TTC28: variants seen among roughly 807,000 people sequenced by gnomAD.
TTC28 encodes the protein tetratricopeptide repeat protein 28.
A neutral mutation model predicts 198.0 loss-of-function variants in TTC28; 61 were observed. The observed-to-expected ratio is 0.31, with a 90% CI of 0.25 to 0.38. The LOEUF (loss-of-function observed/expected upper bound fraction) is 0.38, where lower values mean the gene tolerates loss of function less well. Among genes scored for constraint, TTC28 ranks in the 10% least tolerant of loss-of-function variants. The pLI is 1.00. For synonymous variants in TTC28, 1,171 were observed against 1,297.8 expected (o/e 0.90, Z 2.10); for missense variants, 2,678 against 3,164.0 (o/e 0.85, Z 3.69).
At chr22:28,298,643 G>A (rs549246364) in intron 3 of TTC28, among the ~76,000 whole-genome samples, 1 of 152,068 alleles carries the variant, frequency 6.6e-6, no homozygotes, top group Non-Finnish European at 1.5e-5. Context: ...TAGAGATGAG[G>A]TCTCATTAGG....
At chr22:28,341,098 A>G (rs755839321) in intron 2 of TTC28, among the ~76,000 whole-genome samples, 7 of 152,222 alleles carry the variant, frequency 4.6e-5, no homozygotes, top group Non-Finnish European at 1.0e-4. Context: ...TAAGGATCCT[A>G]AGATGCATCT....
chr22:28,103,359 G>C (rs1228385366), intron 8 of TTC28, among the ~76,000 whole-genome samples: 1 of 152,192 alleles, frequency 6.6e-6, no homozygotes, highest in Admixed American at 6.5e-5. Flanking sequence ...ACAGCACCTG[G>C]AGAGCTTGTT....
At chr22:28,165,525 A>C (rs1350080873) in intron 5 of TTC28, among the ~76,000 whole-genome samples, 1 of 152,078 alleles carries the variant, frequency 6.6e-6, no homozygotes. Context: ...GCCAATATTC[A>C]ACATTCTTAA....
Position 27,979,087 on chromosome 22 carries a change from A to G in TTC28, c.*3134T>C, listed in dbSNP as rs1369743049. 1 of 152,264 alleles carries G rather than the reference A, an allele frequency of 6.6e-6. No homozygotes were observed. The highest frequency in any genetic ancestry group is 6.5e-5 in the Admixed American group (1 of 15,280). The allele number at this position is 152,264 out of a possible 1,614,324, so 9.4% of individuals were successfully genotyped here. ...ACATACCCTGGGCTCCCCGGACGCC[A>G]GTCAGTCTATCCACTACCTGACTTG... On this transcript the variant is annotated 3_prime_UTR_variant, in exon 23 of 23. Transcript: ENST00000397906.
intron 2 of TTC28, among the ~76,000 whole-genome samples, chr22:28,370,337 T>G (rs761668400): frequency 2.0e-5 from 3 of 152,194 alleles, no homozygotes; most frequent in Non-Finnish European, 4.4e-5. Flanking sequence ...GGTGAGCTAG[T>G]CCCAGATATC....
rs537044022 is a variant in TTC28, at chr22:28,163,469, C to A, written c.1064G>T (p.Arg355Leu). 3 of 1,551,594 alleles carry A rather than the reference C, an allele frequency of 1.9e-6. No homozygotes were observed. Among genetic ancestry groups the A allele is most frequent in the South Asian group, 2.4e-5 (2 of 84,054 alleles). The change falls in exon 6 of 23, where the codon CGA becomes CTA. Residue 355 changes from arginine to leucine, a missense_variant. This residue lies in a region of TTC28 where 775 missense variants were observed against 845.9 expected (regional missense o/e 0.92). Coordinates refer to ENST00000397906, the MANE Select transcript of TTC28 (RefSeq NM_001145418.2). ...CACAGCTCCCATGTTGCCAAGTTCTCGGGCTTCAGAAAGTTCATCTTTGGA... is the reference window on the plus strand; with the variant it reads ...CACAGCTCCCATGTTGCCAAGTTCTAGGGCTTCAGAAAGTTCATCTTTGGA... Reference protein sequence around the residue: ...KQSKDELSEARELGNMGAVYI... With the variant: ...KQSKDELSEALELGNMGAVYI...
chr22:28,101,335 C>G, intron 8 of TTC28, 55 bp from the exon 9 acceptor site: 1 of 1,369,124 alleles, frequency 7.3e-7, no homozygotes, highest in Non-Finnish European at 1.0e-6. Flanking sequence ...ATTCCACTAT[C>G]CTAAGGAGTC....
chr22:28,039,184 G>T (rs1484057569), intron 12 of TTC28, among the ~76,000 whole-genome samples: 1 of 152,132 alleles, frequency 6.6e-6, no homozygotes, highest in Non-Finnish European at 1.5e-5. Flanking sequence ...ATACCCAAAG[G>T]ATTATAAAAC....
At chr22:28,191,652 T>A (rs1032813124) in intron 5 of TTC28, among the ~76,000 whole-genome samples, 1 of 152,244 alleles carries the variant, frequency 6.6e-6, no homozygotes, top group Admixed American at 6.5e-5. Context: ...ATTCCACACC[T>A]GGCTCAGAGG....
chr22:28,591,064 T>C (rs1474308705), intron 2 of TTC28, among the ~76,000 whole-genome samples: 2 of 124,604 alleles, frequency 1.6e-5, no homozygotes, highest in African/African-American at 7.0e-5. Context: ...TATATATATA[T>C]ATATATATAT....
intron 2 of TTC28, among the ~76,000 whole-genome samples, chr22:28,471,178 C>T (rs2048092423): frequency 6.6e-6 from 1 of 152,178 alleles, no homozygotes; most frequent in Non-Finnish European, 1.5e-5. Flanking sequence ...CTTTAGTTTT[C>T]ATAACAGTAT....
At chr22:28,430,745 C>A (rs547465421) in intron 2 of TTC28, among the ~76,000 whole-genome samples, 243 of 152,164 alleles carry the variant, frequency 1.6e-3, no homozygotes, top group African/African-American at 5.4e-3. Context: ...GGGAGAAAAA[C>A]CAGTTACTCA....
At chr22:28,364,288 T>C (rs1215909830) in intron 2 of TTC28, among the ~76,000 whole-genome samples, 1 of 152,182 alleles carries the variant, frequency 6.6e-6, no homozygotes, top group East Asian at 1.9e-4. Context: ...CCTGCTGCCA[T>C]CCATGTAAGA....
intron 12 of TTC28, among the ~76,000 whole-genome samples, chr22:28,078,042 G>C (rs550791323): frequency 6.6e-6 from 1 of 152,348 alleles, no homozygotes; most frequent in African/African-American, 2.4e-5. Context: ...CTTATGGGAG[G>C]CTCATGTTCT....
In TTC28 at chr22:27,993,429, G is replaced by A; in HGVS notation, c.5334C>T (p.Ile1778=). The A allele has an allele frequency of 3.2e-6, 5 of 1,551,552 alleles. No homozygotes were observed. The South Asian group carries it at 5.9e-5, about 18-fold the overall frequency. The part of the protein sequence containing the change: ...QQSVENKVGG[I]PGWQALLTAV... Reference sequence around the variant, plus strand: ...CGGTGAGGAGGGCCTGCCAGCCAGGGATGCCGCCCACTTTGTTCTCCACAC... The same window carrying A: ...CGGTGAGGAGGGCCTGCCAGCCAGGAATGCCGCCCACTTTGTTCTCCACAC... Residue 1778 remains isoleucine, a synonymous_variant, in exon 18 of 23, where the codon ATC becomes ATT. Coordinates refer to ENST00000397906, the MANE Select transcript of TTC28 (RefSeq NM_001145418.2).
chr22:28,277,450 T>A (rs1451423388), intron 5 of TTC28, among the ~76,000 whole-genome samples: 1 of 152,214 alleles, frequency 6.6e-6, no homozygotes, highest in Non-Finnish European at 1.5e-5. Context: ...AGGGCATTGT[T>A]CTACAAACTA....
chr22:27,978,708 G>A lies in TTC28; in HGVS notation c.*3513C>T, dbSNP rs1406494264. The A allele has an allele frequency of 6.6e-6, 1 of 152,220 alleles. No individual in the cohort carries two copies. Among genetic ancestry groups the A allele is most frequent in the African/African-American group, 2.4e-5 (1 of 41,448 alleles). 9.4% of individuals were successfully genotyped at this position (152,220 alleles called of 1,614,324 possible). ...GTTGCACATCAGTGTGGATCAAAAT[G>A]TAAGTTTTAGTAGCAATTTTTCTCT... is the stretch of plus-strand genomic sequence containing the variant. On this transcript the variant is annotated 3_prime_UTR_variant, in exon 23 of 23. Coordinates refer to ENST00000397906, the MANE Select transcript of TTC28 (RefSeq NM_001145418.2).
At chr22:28,371,035 A>G (rs2046323626) in intron 2 of TTC28, among the ~76,000 whole-genome samples, 2 of 152,162 alleles carry the variant, frequency 1.3e-5, no homozygotes, top group Admixed American at 1.3e-4. Flanking sequence ...TTGCTCCTAC[A>G]TACTAAGTCA....
intron 12 of TTC28, among the ~76,000 whole-genome samples, chr22:28,093,444 C>A (rs547188869): frequency 6.2e-4 from 94 of 152,244 alleles, no homozygotes; most frequent in Non-Finnish European, 1.1e-3. Context: ...AATCTGGTTA[C>A]AACCCAGCTC....
Sources: gnomAD v4.1 joint callset for allele counts (sites outside exome capture counted in the v4.1 genomes callset) on GRCh38, gnomAD v4.1.1 for gene constraint, gnomAD v4.1.1 regional missense constraint, MANE v1.5 for transcripts, NCBI Gene and HGNC (gene_info 2026-07-23, HGNC 2026-07-21) for gene names.